MALAT1: variants seen among roughly 807,000 people sequenced by gnomAD.
The protein encoded by MALAT1 is metastasis associated lung adenocarcinoma transcript 1.
intron 1 of MALAT1, chr11:65,498,308 G>T (rs1212259529): frequency 1.9e-6 from 1 of 518,260 alleles, no homozygotes; most frequent in Admixed American, 1.9e-5. Flanking sequence ...GCTGAAAAAC[G>T]GTAGAAAAAT....
chr11:65,497,906 G>C (rs773632875), intron 1 of MALAT1: 1 of 518,696 alleles, frequency 1.9e-6, no homozygotes, highest in Non-Finnish European at 3.9e-6. Context: ...AGGTTTCCCA[G>C]AGTCCTTGGG....
intron 1 of MALAT1, chr11:65,497,872 C>T (rs544293627): frequency 1.5e-5 from 8 of 518,512 alleles, no homozygotes; most frequent in African/African-American, 7.7e-5. Context: ...GAAGGCAGGT[C>T]CCCTCTGACG....
In MALAT1 at chr11:65,503,453, C is replaced by T. The variant is rs373626664; in HGVS notation, n.4716C>T. On this transcript the variant is annotated non_coding_transcript_exon_variant, in exon 3 of 4. Transcript: ENST00000619449. ...TAAAAGCCTCTAAAGTGATCAGTGCCTTGATGCCAACTAAGGAAATTTGTT... is the reference window on the plus strand; with the variant it reads ...TAAAAGCCTCTAAAGTGATCAGTGCTTTGATGCCAACTAAGGAAATTTGTT... 1,065 of 517,308 alleles carry T rather than the reference C, an allele frequency of 2.1e-3. 11 individuals carry two copies. The highest frequency in any genetic ancestry group is 1.9e-3 in the Non-Finnish European group (503 of 259,416). The allele number at this position is 517,308 out of a possible 1,614,324, so 32.0% of individuals were successfully genotyped here.
At chr11:65,504,652 T>C (rs778966023) in intron 3 of MALAT1, 1 of 518,992 alleles carries the variant, frequency 1.9e-6, no homozygotes, top group South Asian at 1.4e-5. Flanking sequence ...CTTTAGTCTT[T>C]TCCAGATGCA....
At chr11:65,498,772 A>G (rs1854463770) in intron 2 of MALAT1, 1 of 518,980 alleles carries the variant, frequency 1.9e-6, no homozygotes, top group Non-Finnish European at 3.8e-6. Flanking sequence ...GAGGTGTTTG[A>G]TGACCCGTTT....
intron 3 of MALAT1, chr11:65,506,166 G>A (rs1267155333): frequency 2.4e-6 from 1 of 417,766 alleles, no homozygotes; most frequent in Admixed American, 3.2e-5. Flanking sequence ...TCAAATCCCT[G>A]CGGCGTCTTT....
exon 3 of MALAT1, chr11:65,499,025 C>T (rs754994464): frequency 5.8e-6 from 3 of 518,578 alleles, no homozygotes; most frequent in South Asian, 1.4e-5. Context: ...TATAAATACG[C>T]CTCGCCCGAG....
At chr11:65,505,781 C>CT (rs753215145) in intron 3 of MALAT1, 3 of 516,348 alleles carry the variant, frequency 5.8e-6, no homozygotes, top group Non-Finnish European at 1.2e-5. Flanking sequence ...TATTATAATA[C>CT]TTATCCAGTG....
At chr11:65,502,619 C>CTTT (rs3842272) in exon 3 of MALAT1, 3 of 410,542 alleles carry the variant, frequency 7.3e-6, no homozygotes, top group Admixed American at 3.0e-5. Context: ...GGAGGGGAAA[C>CTTT]TTTTTTTTTT....
intron 3 of MALAT1, chr11:65,505,602 C>T (rs1429801690): frequency 1.9e-6 from 1 of 518,974 alleles, no homozygotes; most frequent in East Asian, 5.4e-5. Context: ...CCCTTCACCC[C>T]TCACCTCGAT....
chr11:65,497,932 G>A (rs773839253), intron 1 of MALAT1: 1 of 518,794 alleles, frequency 1.9e-6, no homozygotes, highest in East Asian at 5.4e-5. Context: ...GCGACGAGTT[G>A]TGCTGCTATC....
chr11:65,503,056 T>C (rs569567195), exon 3 of MALAT1: 1 of 509,832 alleles, frequency 2.0e-6, no homozygotes, highest in African/African-American at 1.9e-5. Flanking sequence ...AAATGAGAGA[T>C]GAGTTGGGAT....
At chr11:65,502,047 A>AT (rs760410274) in exon 3 of MALAT1, 2 of 517,366 alleles carry the variant, frequency 3.9e-6, no homozygotes, top group South Asian at 2.8e-5. Context: ...CCCAGTTTGA[A>AT]TTGGGAAGCT....
chr11:65,505,810 C>T (rs749337342), intron 3 of MALAT1: 5 of 505,578 alleles, frequency 9.9e-6, no homozygotes, highest in South Asian at 5.7e-5. Context: ...CAACTTAAAC[C>T]AGTAAGTGGA....
At chr11:65,501,002 TTG>T (rs765294722) in exon 3 of MALAT1, 7 of 509,484 alleles carry the variant, frequency 1.4e-5, no homozygotes, top group Non-Finnish European at 2.7e-5. Flanking sequence ...GATGGCAAGT[TTG>T]TGGGTTTTTT....
intron 3 of MALAT1, chr11:65,504,588 A>AT (rs1352726814): frequency 3.9e-6 from 2 of 518,888 alleles, no homozygotes; most frequent in Non-Finnish European, 7.7e-6. Flanking sequence ...TTGCTGGTGT[A>AT]TTTTTAGGTA....
At chr11:65,504,327 C>G in intron 3 of MALAT1, 1 of 509,332 alleles carries the variant, frequency 2.0e-6, no homozygotes, top group Non-Finnish European at 3.9e-6. Context: ...TTTTTACAGA[C>G]TTCACAGAGA....
chr11:65,500,934 C>T (rs1400206554), exon 3 of MALAT1: 1 of 512,624 alleles, frequency 2.0e-6, no homozygotes, highest in Non-Finnish European at 3.9e-6. Flanking sequence ...CAGGCTTATA[C>T]TCATGAATCT....
chr11:65,503,066 T>C (rs779378082), exon 3 of MALAT1: 1 of 511,010 alleles, frequency 2.0e-6, no homozygotes, highest in African/African-American at 1.9e-5. Flanking sequence ...TGAGTTGGGA[T>C]CAAGTGGATT....
Sources: gnomAD v4.1 joint callset for allele counts on GRCh38, gnomAD v4.1.1 for gene constraint, MANE v1.5 for transcripts, NCBI Gene and HGNC (gene_info 2026-07-23, HGNC 2026-07-21) for gene names.